NAP1L4: variants seen among roughly 807,000 people sequenced by gnomAD.
NAP1L4 encodes nucleosome assembly protein 1 like 4.
A neutral mutation model predicts 58.2 loss-of-function variants in NAP1L4; 15 were observed. The observed-to-expected ratio is 0.26, with a 90% CI of 0.17 to 0.40. The LOEUF (loss-of-function observed/expected upper bound fraction) is 0.40, where lower values mean the gene tolerates loss of function less well. Among genes scored for constraint, NAP1L4 ranks in the 10% least tolerant of loss-of-function variants. NAP1L4 has a pLI of 1.00. For synonymous variants in NAP1L4, 171 were observed against 155.6 expected (o/e 1.10, Z -0.74); for missense variants, 384 against 451.1 (o/e 0.85, Z 1.35).
At chr11:2,972,326 AG>A (rs768252622) in intron 4 of NAP1L4, 83 bp from the exon 5 acceptor site, 88 of 1,310,268 alleles carry the variant, frequency 6.7e-5, no homozygotes, top group Non-Finnish European at 8.7e-5. Flanking sequence ...AAATAAATTT[AG>A]GTTAACATGG....
chr11:2,956,740 A>G (rs1341040198), intron 10 of NAP1L4, among the ~76,000 whole-genome samples: 5 of 152,238 alleles, frequency 3.3e-5, no homozygotes, highest in African/African-American at 1.2e-4. Context: ...CAAGTCATGA[A>G]TAGTACAAGG....
chr11:2,952,698 A>G (rs1298940157), intron 12 of NAP1L4: 1 of 152,268 alleles, frequency 6.6e-6, no homozygotes, highest in Non-Finnish European at 1.5e-5. Context: ...TCAGGCAGGG[A>G]AAGGCTTCTC....
At chr11:2,947,438 G>A (rs907598796) in intron 15 of NAP1L4, among the ~76,000 whole-genome samples, 2 of 152,220 alleles carry the variant, frequency 1.3e-5, no homozygotes, top group Non-Finnish European at 2.9e-5. Context: ...GGGAAGAGCT[G>A]CCTCCCCCGT....
At chr11:2,963,997 T>G in intron 8 of NAP1L4, 1 of 465,836 alleles carries the variant, frequency 2.1e-6, no homozygotes, top group Non-Finnish European at 4.3e-6. Flanking sequence ...AAGCTTATCT[T>G]ACCAACTGGT....
Position 2,955,803 on chromosome 11 carries a change from G to C in NAP1L4, c.893-37C>G. ...AAAGACAAAACATATTTAAATTACAGTGACAACTCCCAGAATTTTAAAGCC... is the reference window on the plus strand; with the variant it reads ...AAAGACAAAACATATTTAAATTACACTGACAACTCCCAGAATTTTAAAGCC... On this transcript the variant is annotated intron_variant, in intron 10 of 15. Transcript: ENST00000380542. The surrounding 1 kb of genome is among the most constrained non-coding windows in gnomAD (Gnocchi z 4.2). 1 of 1,599,092 alleles carries C rather than the reference G, an allele frequency of 6.3e-7. No individual in the cohort carries two copies. Among genetic ancestry groups the C allele is most frequent in the Non-Finnish European group, 8.6e-7 (1 of 1,168,504 alleles).
rs1846089257 is a variant in NAP1L4 at position 2,949,121 on chromosome 11, G to C, written c.*32+106C>G. On this transcript the variant is annotated intron_variant, in intron 15 of 15. Transcript: ENST00000380542. This position sits in a 1 kb window ranked among gnomAD's most constrained non-coding sequence, Gnocchi z 4.0. ...CTATGTCAAACCTGTGACACAGTGAGTGTACCTGGACAGCAACTCCCTCTT... is the reference window on the plus strand; with the variant it reads ...CTATGTCAAACCTGTGACACAGTGACTGTACCTGGACAGCAACTCCCTCTT... 1 of 839,848 alleles carries C rather than the reference G, an allele frequency of 1.2e-6. No individual in the cohort carries two copies. The highest frequency in any genetic ancestry group is 1.9e-6 in the Non-Finnish European group (1 of 524,302). The allele number at this position is 839,848 out of a possible 1,614,324, so 52.0% of individuals were successfully genotyped here.
rs1564973010 is a variant in NAP1L4, at chr11:2,951,979, G to GC, written c.1036-171dup. ...GAGGAGCCATTTGCTTGTGTGCAGCGCATTTTAAAAGCATGCCAGGAAATT... is the reference window on the plus strand; with the variant it reads ...GAGGAGCCATTTGCTTGTGTGCAGCGCCATTTTAAAAGCATGCCAGGAAATT... On this transcript the variant is annotated intron_variant, in intron 12 of 15. Coordinates refer to ENST00000380542, the MANE Select transcript of NAP1L4 (RefSeq NM_005969.4). The surrounding 1 kb of genome is among the most constrained non-coding windows in gnomAD (Gnocchi z 4.0). The GC allele has an allele frequency of 3.0e-6, 2 of 661,764 alleles. No homozygotes were observed. Among genetic ancestry groups the GC allele is most frequent in the Non-Finnish European group, 5.4e-6 (2 of 369,168 alleles). The allele number at this position is 661,764 out of a possible 1,614,324, so 41.0% of individuals were successfully genotyped here.
At chr11:2,985,587 A>C (rs943405165) in intron 1 of NAP1L4, among the ~76,000 whole-genome samples, 2 of 152,246 alleles carry the variant, frequency 1.3e-5, no homozygotes, top group Non-Finnish European at 2.9e-5. Flanking sequence ...TGTTCTTGTC[A>C]GAATCAGTAT....
chr11:2,969,949 CAACATAGGT>C lies in NAP1L4; in HGVS notation c.403-24_403-16del. 10 of 1,601,660 alleles carry C rather than the reference CAACATAGGT, an allele frequency of 6.2e-6. No homozygotes were observed. The highest frequency in any genetic ancestry group is 8.5e-6 in the Non-Finnish European group (10 of 1,174,612). Reference sequence around the variant, plus strand: ...TTCATGTCTCCCTAAAAAAAAGATGCAACATAGGTAACGAAAATAAAAGTTTACAAACAA... The same window carrying C: ...TTCATGTCTCCCTAAAAAAAAGATGCAACGAAAATAAAAGTTTACAAACAA... On this transcript the variant is annotated splice_polypyrimidine_tract_variant and intron_variant, in intron 6 of 15. Coordinates refer to ENST00000380542, the MANE Select transcript of NAP1L4 (RefSeq NM_005969.4).
Position 2,979,322 on chromosome 11 carries a change from G to A in NAP1L4, c.-17-85C>T, listed in dbSNP as rs1848162928. 11 of 1,156,698 alleles carry A rather than the reference G, an allele frequency of 9.5e-6. No individual in the cohort carries two copies. The South Asian group carries it at 1.4e-4, about 14-fold the overall frequency. 71.7% of individuals were successfully genotyped at this position (1,156,698 alleles called of 1,614,324 possible). A position where few individuals can be genotyped will look rare whatever the true frequency, so the allele number is the denominator to read the frequency against. ...ACTTTTTAAACAACGGTTATCTGTG[G>A]GATGGAGTCCACTAGAAGGGACAGG... On this transcript the variant is annotated intron_variant, in intron 1 of 15. Transcript: ENST00000380542.
In NAP1L4 at chr11:2,954,439, G is replaced by A. The variant is rs1427642920; in HGVS notation, c.1035+88C>T. ...ATGATGTAATAAAAAGATTAGGCAT[G>A]GGGGTTTCCTAAGCCACAATTCAGG... is the stretch of plus-strand genomic sequence containing the variant. On this transcript the variant is annotated intron_variant, in intron 12 of 15. Transcript: ENST00000380542. This position sits in a 1 kb window ranked among gnomAD's most constrained non-coding sequence, Gnocchi z 4.8. 6.3e-7 allele frequency: 1 copy of A among 1,576,018 alleles called. No homozygotes were observed. Among genetic ancestry groups the A allele is most frequent in the Non-Finnish European group, 8.7e-7 (1 of 1,146,522 alleles).
At position 2,946,015 on chromosome 11, in the gene NAP1L4, T is replaced by C. The variant is rs144400030; in HGVS notation, c.*33-369A>G. ...AGTGCGCTCAACACGGGCAGCTCCA[T>C]CCAGGAAGGCCACCGCGGAGGCAAC... On this transcript the variant is annotated intron_variant, in intron 15 of 15. Transcript: ENST00000380542. The surrounding 1 kb of genome is among the most constrained non-coding windows in gnomAD (Gnocchi z 4.8). Among the ~76,000 whole-genome samples the C allele has an allele frequency of 2.4e-4, 36 of 152,214 alleles. No individual in the cohort carries two copies. In the East Asian group the frequency reaches 5.8e-3, roughly 25 times the overall value.
intron 8 of NAP1L4, 176 bp from the exon 9 acceptor site, chr11:2,960,085 C>T (rs998400956): frequency 4.5e-5 from 28 of 619,432 alleles, no homozygotes; most frequent in South Asian, 8.3e-5. Flanking sequence ...AAAAAACCAA[C>T]GATGGACTGG....
intron 1 of NAP1L4, among the ~76,000 whole-genome samples, chr11:2,982,188 A>G (rs1218408459): frequency 6.6e-6 from 1 of 152,220 alleles, no homozygotes; most frequent in Non-Finnish European, 1.5e-5. Flanking sequence ...ATATGGCAAT[A>G]GCAGGACCGC....
chr11:2,969,737 A>G, intron 7 of NAP1L4, 66 bp downstream of exon 7: 9 of 1,533,774 alleles, frequency 5.9e-6, no homozygotes, highest in Non-Finnish European at 7.9e-6. Context: ...TGCTTAAAAA[A>G]TGCCATAGAT....
At chr11:2,977,650 G>C (rs1186977226) in intron 3 of NAP1L4, among the ~76,000 whole-genome samples, 1 of 152,086 alleles carries the variant, frequency 6.6e-6, no homozygotes, top group Admixed American at 6.6e-5. Context: ...ATTAGAGAAT[G>C]GTATTGCTCC....
intron 1 of NAP1L4, among the ~76,000 whole-genome samples, chr11:2,980,258 G>A (rs1436109263): frequency 6.6e-6 from 1 of 152,154 alleles, no homozygotes; most frequent in Non-Finnish European, 1.5e-5. Context: ...TGCAATCCTG[G>A]CTCACTGCAG....
chr11:2,984,642 T>C (rs1401300929), intron 1 of NAP1L4, among the ~76,000 whole-genome samples: 1 of 152,048 alleles, frequency 6.6e-6, no homozygotes, highest in African/African-American at 2.4e-5. Flanking sequence ...AGAATACACA[T>C]TCCTACCAAT....
At position 2,973,924 on chromosome 11, in the gene NAP1L4, T is replaced by C. The variant is rs920427881; in HGVS notation, c.174-1681A>G. On this transcript the variant is annotated intron_variant, in intron 4 of 15. Transcript: ENST00000380542. ...GTTGGACTACAGGGGCACATCACCA[T>C]GCCCAGCTAATTTTTTTGCATCCTG... 1.1e-4 allele frequency among the ~76,000 whole-genome samples: 17 copies of C among 152,192 alleles called. No individual in the cohort carries two copies. The East Asian group carries it at 2.5e-3, about 23-fold the overall frequency.
Sources: gnomAD v4.1 joint callset for allele counts (sites outside exome capture counted in the v4.1 genomes callset) on GRCh38, gnomAD v4.1.1 for gene constraint, Gnocchi (gnomAD v3.1) non-coding constraint, MANE v1.5 for transcripts, NCBI Gene and HGNC (gene_info 2026-07-23, HGNC 2026-07-21) for gene names.